The following MAT2B variants were observed in gnomAD, a reference collection of about 807,000 sequenced individuals.
MAT2B encodes methionine adenosyltransferase 2 subunit beta.
In MAT2B, 16 loss-of-function variants were observed where a neutral mutation model predicts 36.1. That is an observed-to-expected ratio of 0.44 (90% CI 0.30 to 0.67). The LOEUF is 0.67. Among genes scored for constraint, MAT2B ranks in the 30% least tolerant of loss-of-function variants. The pLI is 0.09. For missense variants in MAT2B, 332 were observed against 398.2 expected (o/e 0.83, Z 1.42); for synonymous variants, 148 against 136.9 (o/e 1.08, Z -0.57).
chr5:163,510,427 C>A (rs563440094), intron 1 of MAT2B, among the ~76,000 whole-genome samples: 278 of 115,650 alleles, frequency 2.4e-3, no homozygotes, highest in African/African-American at 9.7e-3. Context: ...TGTAGTCTTG[C>A]TCTTGTTACC....
intron 5 of MAT2B, 155 bp from the exon 6 acceptor site, chr5:163,517,406 G>C (rs1760149811): frequency 4.5e-6 from 2 of 446,526 alleles, no homozygotes; most frequent in Non-Finnish European, 8.2e-6. Context: ...AGTATTAGTA[G>C]GAATTTGATT....
rs919449342 is a variant in MAT2B at position 163,511,570 on chromosome 5, A to T, written c.64-432A>T. On this transcript the variant is annotated intron_variant, in intron 1 of 6. Coordinates refer to ENST00000321757, the MANE Select transcript of MAT2B (RefSeq NM_013283.5). ...AGTGCTGGGATTAAAGGCATGGGCC[A>T]CCATGCCTGGCAAAAGCTTTTTCTT... Among the ~76,000 whole-genome samples the T allele has an allele frequency of 2.0e-5, 3 of 149,600 alleles. 1 individual carries two copies. Among genetic ancestry groups the T allele is most frequent in the African/African-American group, 7.4e-5 (3 of 40,576 alleles).
upstream of MAT2B, among the ~76,000 whole-genome samples, chr5:163,504,116 T>A (rs1461295207): frequency 6.6e-6 from 1 of 152,156 alleles, no homozygotes; most frequent in Non-Finnish European, 1.5e-5. Context: ...TTTTCTCCCA[T>A]AGAAAGGTAA....
intron 1 of MAT2B, among the ~76,000 whole-genome samples, chr5:163,508,002 A>C (rs138941837): frequency 6.6e-6 from 1 of 152,228 alleles, no homozygotes; most frequent in Non-Finnish European, 1.5e-5. Context: ...AATTAGATCA[A>C]TAGAGATAGA....
chr5:163,505,477 G>C, upstream of MAT2B: 1 of 1,213,448 alleles, frequency 8.2e-7, no homozygotes, highest in South Asian at 4.3e-5. Flanking sequence ...GTGGGCTGGG[G>C]GCAGACCGCG....
chr5:163,510,163 G>T (rs1392367934), intron 1 of MAT2B, among the ~76,000 whole-genome samples: 1 of 152,108 alleles, frequency 6.6e-6, no homozygotes, highest in African/African-American at 2.4e-5. Context: ...TAACTGGTTT[G>T]TTTTTAATAG....
intron 1 of MAT2B, among the ~76,000 whole-genome samples, chr5:163,506,008 C>T (rs933993407): frequency 6.6e-6 from 1 of 152,142 alleles, no homozygotes; most frequent in Non-Finnish European, 1.5e-5. Flanking sequence ...CTTTCGAGTT[C>T]TGTCTCTGCT....
chr5:163,511,140 C>T (rs1041043956), intron 1 of MAT2B, among the ~76,000 whole-genome samples: 2 of 152,124 alleles, frequency 1.3e-5, no homozygotes, highest in African/African-American at 4.8e-5. Flanking sequence ...TGTTTACTAA[C>T]TCATTTGGGT....
chr5:163,510,539 C>T (rs1224041670), intron 1 of MAT2B, among the ~76,000 whole-genome samples: 1 of 151,828 alleles, frequency 6.6e-6, no homozygotes, highest in East Asian at 1.9e-4. Flanking sequence ...GGATTACAGG[C>T]ACCTGCAACC....
intron 1 of MAT2B, among the ~76,000 whole-genome samples, chr5:163,505,984 A>G (rs1300516255): frequency 6.6e-6 from 1 of 152,080 alleles, no homozygotes; most frequent in African/African-American, 2.4e-5. Context: ...GGAAGCAAGT[A>G]GGTGGAGGTT....
In MAT2B at chr5:163,516,612, C is replaced by T; in HGVS notation, c.621C>T (p.Ser207=). The T allele has an allele frequency of 6.2e-7, 1 of 1,614,148 alleles. No homozygotes were observed. The highest frequency in any genetic ancestry group is 8.5e-7 in the Non-Finnish European group (1 of 1,180,008). The part of the protein sequence containing the change: ...VTVMFDKVQF[S]NKSANMDHWQ... ...TTATGTTTGATAAAGTGCAGTTCAG[C>T]AACAAGTCAGCAAACATGGATCACT... Residue 207 remains serine, a synonymous_variant, in exon 5 of 7, where the codon AGC becomes AGT. Coordinates refer to ENST00000321757, the MANE Select transcript of MAT2B (RefSeq NM_013283.5).
chr5:163,509,861 C>T (rs1453895116), intron 1 of MAT2B, among the ~76,000 whole-genome samples: 1 of 152,188 alleles, frequency 6.6e-6, no homozygotes, highest in Non-Finnish European at 1.5e-5. Flanking sequence ...AGTTTTGCAA[C>T]ACAGCCTGAA....
upstream of MAT2B, among the ~76,000 whole-genome samples, chr5:163,504,289 T>C (rs888051594): frequency 1.3e-5 from 2 of 150,524 alleles, no homozygotes; most frequent in African/African-American, 4.9e-5. Context: ...AAGGATTCCC[T>C]AAATAAAGCC....
chr5:163,512,674 A>G (rs1169504021), intron 2 of MAT2B: 1 of 452,046 alleles, frequency 2.2e-6, no homozygotes, highest in Non-Finnish European at 4.4e-6. Flanking sequence ...TGATTTAGAA[A>G]GACTTCTGTT....
chr5:163,513,640 A>C lies in MAT2B; in HGVS notation c.344A>C (p.Asp115Ala), dbSNP rs765526423. Residue 115 changes from aspartate (D) to alanine (A), a missense_variant, in exon 3 of 7, where the codon GAT becomes GCT. Transcript: ENST00000321757. Reference sequence around the variant, plus strand: ...GATGCTGCCTCTCAACTTAATGTGGATGCTTCTGGGAATTTAGCAAAGGAA... The same window carrying C: ...GATGCTGCCTCTCAACTTAATGTGGCTGCTTCTGGGAATTTAGCAAAGGAA... ...QPDAASQLNV[D>A]ASGNLAKEAA... is the part of the protein sequence containing the mutation. 9.3e-6 allele frequency: 15 copies of C among 1,613,790 alleles called. No individual in the cohort carries two copies. Among genetic ancestry groups the C allele is most frequent in the Non-Finnish European group, 1.3e-5 (15 of 1,179,732 alleles).
chr5:163,517,640 A>G lies in MAT2B; in HGVS notation c.800A>G (p.Asp267Gly), dbSNP rs1166548627. 1 of 1,613,860 alleles carries G rather than the reference A, an allele frequency of 6.2e-7. No homozygotes were observed. Residue 267 changes from aspartate to glycine, a missense_variant, in exon 6 of 7, where the codon GAT becomes GGT. Asp to Gly is a moderately conservative substitution (Grantham distance 94). Coordinates refer to ENST00000321757, the MANE Select transcript of MAT2B (RefSeq NM_013283.5). ...TATGAAATGGCATGTGCAATTGCAGATGCCTTCAACCTCCCCAGCAGTCAC... is the reference window on the plus strand; with the variant it reads ...TATGAAATGGCATGTGCAATTGCAGGTGCCTTCAACCTCCCCAGCAGTCAC... ...TKYEMACAIA[D>G]AFNLPSSHLR...
Position 163,518,397 on chromosome 5 carries a change from T to C in MAT2B, c.*34T>C. The C allele has an allele frequency of 1.3e-6, 2 of 1,558,984 alleles. No homozygotes were observed. The highest frequency in any genetic ancestry group is 2.0e-5 in the Admixed American group (1 of 50,124). On this transcript the variant is annotated 3_prime_UTR_variant, in exon 7 of 7. Coordinates refer to ENST00000321757, the MANE Select transcript of MAT2B (RefSeq NM_013283.5). ...TGTTGGGTTCTTTTTTTTTTTTAAATGAAAAGTATAGTATGTGGCACTTTT... is the reference window on the plus strand; with the variant it reads ...TGTTGGGTTCTTTTTTTTTTTTAAACGAAAAGTATAGTATGTGGCACTTTT...
chr5:163,517,743 T>G, intron 6 of MAT2B, 69 bp downstream of exon 6: 1 of 965,908 alleles, frequency 1.0e-6, no homozygotes, highest in East Asian at 2.5e-5. Context: ...GTTGGGTAAC[T>G]TCATTTCTCA....
At chr5:163,512,796 TA>T in intron 2 of MAT2B, 1 of 406,006 alleles carries the variant, frequency 2.5e-6, no homozygotes, top group Non-Finnish European at 4.8e-6. Flanking sequence ...TTCTCCTGCC[TA>T]AGCTTCCTGA....
Sources: allele counts gnomAD v4.1 joint callset (sites outside exome capture counted in the v4.1 genomes callset), GRCh38; gene constraint gnomAD v4.1.1; transcripts MANE v1.5; gene names NCBI Gene and HGNC (gene_info 2026-07-23, HGNC 2026-07-21).